Variants in TRAPPC11 observed in about 807,000 individuals in gnomAD.
TRAPPC11 encodes the protein foie gras homolog.
TRAPPC11 carries 104 observed loss-of-function variants against 151.2 expected under a neutral mutation model. That is an observed-to-expected ratio of 0.69 (90% CI 0.59 to 0.81). The LOEUF is 0.81. Among genes scored for constraint, TRAPPC11 ranks in the 30% least tolerant of loss-of-function variants. The pLI is 0.00. For synonymous variants in TRAPPC11, 456 were observed against 472.3 expected (o/e 0.97, Z 0.45); for missense variants, 1,230 against 1,349.6 (o/e 0.91, Z 1.39).
intron 10 of TRAPPC11, among the ~76,000 whole-genome samples, 167 bp downstream of exon 10, chr4:183,680,434 C>T (rs1735618187): frequency 6.6e-6 from 1 of 152,102 alleles, no homozygotes; most frequent in African/African-American, 2.4e-5. Flanking sequence ...AGCCTGAGTA[C>T]TCTGTTTTCA....
At chr4:183,707,365 A>T (rs1737127672) in intron 28 of TRAPPC11, among the ~76,000 whole-genome samples, 1 of 151,968 alleles carries the variant, frequency 6.6e-6, no homozygotes, top group South Asian at 2.1e-4. Flanking sequence ...TTTTGCGTAG[A>T]ATATACTTAA....
chr4:183,706,438 G>C (rs1579227684), intron 27 of TRAPPC11, among the ~76,000 whole-genome samples: 1 of 151,854 alleles, frequency 6.6e-6, no homozygotes, highest in Admixed American at 6.6e-5. Context: ...CAGGACAATG[G>C]CGTGAACCCG....
At chr4:183,668,577 C>CT (rs35780492) in intron 5 of TRAPPC11, among the ~76,000 whole-genome samples, 1 of 152,110 alleles carries the variant, frequency 6.6e-6, no homozygotes, top group African/African-American at 2.4e-5. Flanking sequence ...CATGTATGTC[C>CT]TTTTTTGTGA....
At chr4:183,671,020 A>G (rs1407875924) in intron 5 of TRAPPC11, among the ~76,000 whole-genome samples, 3 of 152,006 alleles carry the variant, frequency 2.0e-5, no homozygotes, top group African/African-American at 7.2e-5. Context: ...GTGAGCCACC[A>G]TGCCTGGCCT....
chr4:183,665,306 G>A lies in TRAPPC11; in HGVS notation c.205-951G>A, dbSNP rs1366913356. 5.3e-5 allele frequency among the ~76,000 whole-genome samples: 8 copies of A among 152,060 alleles called. No individual in the cohort carries two copies. The South Asian group carries it at 1.7e-3, about 32-fold the overall frequency. ...AGACGGGGTTTCACCGTGTTAGCCA[G>A]GATGGTCTCGATCTCCTGACCTCGT... On this transcript the variant is annotated intron_variant, in intron 2 of 29. Transcript: ENST00000334690.
intron 5 of TRAPPC11, among the ~76,000 whole-genome samples, chr4:183,671,119 G>A (rs1332047698): frequency 1.3e-5 from 2 of 152,260 alleles, no homozygotes; most frequent in East Asian, 3.9e-4. Flanking sequence ...GCCCACCTCG[G>A]CCTCCCATAG....
In TRAPPC11 at chr4:183,681,133, TA is replaced by T. The variant is rs576307177; in HGVS notation, c.1113+867del. ...AAACACCTTTAAAATAAGAACGTGG[TA>T]TATATATATAAATATATTTATATTT... On this transcript the variant is annotated intron_variant, in intron 10 of 29. Coordinates refer to ENST00000334690, the MANE Select transcript of TRAPPC11 (RefSeq NM_021942.6). 1.2e-4 allele frequency among the ~76,000 whole-genome samples: 18 copies of T among 151,286 alleles called. No individual in the cohort carries two copies. The South Asian group carries it at 3.7e-3, about 31-fold the overall frequency.
chr4:183,674,420 CAAAAAAAAAAAAAA>C (rs34161415), intron 5 of TRAPPC11, among the ~76,000 whole-genome samples: 1 of 40,000 alleles, frequency 2.5e-5, no homozygotes, highest in African/African-American at 8.7e-5. Context: ...GACCCTGTCT[CAAAAAAAAAAAAAA>C]AAAAAAAAAA....
intron 29 of TRAPPC11, among the ~76,000 whole-genome samples, chr4:183,710,402 T>A (rs917274200): frequency 2.6e-5 from 4 of 151,928 alleles, no homozygotes; most frequent in Non-Finnish European, 4.4e-5. Flanking sequence ...TTCTCCTGCC[T>A]CAGCCTCCCG....
chr4:183,709,859 A>G lies in TRAPPC11; in HGVS notation c.3357+1285A>G, dbSNP rs965548371. Reference sequence around the variant, plus strand: ...AACGCTTTTTAAATATTTTCGCCAGATCCCTTCAGTCTAAAGACATTTCCA... The same window carrying G: ...AACGCTTTTTAAATATTTTCGCCAGGTCCCTTCAGTCTAAAGACATTTCCA... On this transcript the variant is annotated intron_variant, in intron 29 of 29. Coordinates refer to ENST00000334690, the MANE Select transcript of TRAPPC11 (RefSeq NM_021942.6). Among the ~76,000 whole-genome samples the G allele has an allele frequency of 3.0e-4, 46 of 152,174 alleles. 1 individual carries two copies. Among genetic ancestry groups the G allele is most frequent in the East Asian group, 1.9e-4 (1 of 5,198 alleles).
At chr4:183,686,822 T>G in intron 18 of TRAPPC11, 74 bp downstream of exon 18, 1 of 1,502,240 alleles carries the variant, frequency 6.7e-7, no homozygotes, top group East Asian at 2.3e-5. Flanking sequence ...TAAAATGAGC[T>G]TAGTGAATTT....
chr4:183,677,546 A>G lies in TRAPPC11; in HGVS notation c.823A>G (p.Asn275Asp). ...LEIKTMAGFI[N>D]YKICRLCFQH... ...AATTAAGACTATGGCAGGATTTATA[A>G]ACTACAAGGTAATAATTCTGCTTCC... The change falls in exon 8 of 30, where the codon AAC becomes GAC. Residue 275 changes from asparagine (N) to aspartate (D), a missense_variant. Asn to Asp is a conservative substitution (Grantham distance 23, BLOSUM62 1). Transcript: ENST00000334690. The G allele has an allele frequency of 6.5e-7, 1 of 1,538,404 alleles. No individual in the cohort carries two copies. The highest frequency in any genetic ancestry group is 9.0e-7 in the Non-Finnish European group (1 of 1,111,950).
chr4:183,676,682 C>G (rs1224524782), intron 7 of TRAPPC11, among the ~76,000 whole-genome samples: 2 of 152,254 alleles, frequency 1.3e-5, no homozygotes, highest in African/African-American at 4.8e-5. Flanking sequence ...CGAAGGACAT[C>G]TTTCCCTGCT....
Position 183,712,781 on chromosome 4 carries a change from C to A in TRAPPC11, c.*137C>A. 1 of 699,378 alleles carries A rather than the reference C, an allele frequency of 1.4e-6. No homozygotes were observed. Among genetic ancestry groups the A allele is most frequent in the South Asian group, 2.3e-5 (1 of 43,164 alleles). The allele number at this position is 699,378 out of a possible 1,614,324, so 43.3% of individuals were successfully genotyped here. Reference sequence around the variant, plus strand: ...TTTAATGGATGTTATACCAACTATTCAGAGGAACTCATACTTCAAAAATAT... The same window carrying A: ...TTTAATGGATGTTATACCAACTATTAAGAGGAACTCATACTTCAAAAATAT... On this transcript the variant is annotated 3_prime_UTR_variant, in exon 30 of 30. Coordinates refer to ENST00000334690, the MANE Select transcript of TRAPPC11 (RefSeq NM_021942.6).
chr4:183,672,584 A>T (rs1561032942), intron 5 of TRAPPC11, among the ~76,000 whole-genome samples: 1 of 152,230 alleles, frequency 6.6e-6, no homozygotes, highest in Non-Finnish European at 1.5e-5. Flanking sequence ...TGAATTAAAA[A>T]GTGGAAGCCT....
chr4:183,664,412 C>A, intron 2 of TRAPPC11, among the ~76,000 whole-genome samples: 1 of 152,050 alleles, frequency 6.6e-6, no homozygotes, highest in Non-Finnish European at 1.5e-5. Context: ...ATCCCATGGT[C>A]TGTGCAATGT....
Position 183,694,720 on chromosome 4 carries a change from C to T in TRAPPC11, c.2625C>T (p.His875=), listed in dbSNP as rs750396096. 2 of 1,604,900 alleles carry T rather than the reference C, an allele frequency of 1.2e-6. No individual in the cohort carries two copies. The highest frequency in any genetic ancestry group is 2.2e-5 in the East Asian group (1 of 44,686). The change falls in exon 23 of 30, where the codon CAC becomes CAT. Residue 875 remains histidine, a synonymous_variant. Transcript: ENST00000334690. ...VEEKEIVCKC[H]KDETVTIETV... ...AAAAAGAAATTGTTTGCAAGTGTCA[C>T]AAGGTATTTTTTTATAGCTACTTTA...
intron 27 of TRAPPC11, 45 bp downstream of exon 27, chr4:183,705,115 A>G: frequency 7.6e-7 from 1 of 1,314,980 alleles, no homozygotes; most frequent in Non-Finnish European, 1.1e-6. Flanking sequence ...CCCAATAATA[A>G]TAGTTATTTT....
In TRAPPC11 at chr4:183,680,124, C is replaced by G. The variant is rs1283008121; in HGVS notation, c.970C>G (p.Gln324Glu). Residue 324 changes from glutamine to glutamate, a missense_variant, in exon 10 of 30, where the codon CAG becomes GAG. Transcript: ENST00000334690. ...CTTGATTTTCTTTTCTTTAAGATTC[C>G]AGGCCTTTGGAGATTTATTTGATGA... is the stretch of plus-strand genomic sequence containing the variant. ...EHDAWMSKQF[Q>E]AFGDLFDEAI... is the part of the protein sequence containing the mutation. 6.2e-7 allele frequency: 1 copy of G among 1,607,142 alleles called. No individual in the cohort carries two copies.
Sources: gnomAD v4.1 joint callset for allele counts (sites outside exome capture counted in the v4.1 genomes callset) on GRCh38, gnomAD v4.1.1 for gene constraint, MANE v1.5 for transcripts, NCBI Gene and HGNC (gene_info 2026-07-23, HGNC 2026-07-21) for gene names.